FOCAD: variants seen among roughly 807,000 people sequenced by gnomAD.
FOCAD encodes KIAA1797.
A neutral mutation model predicts 225.6 loss-of-function variants in FOCAD; 198 were observed. The observed-to-expected ratio is 0.88, with a 90% confidence interval of 0.78 to 0.99. The LOEUF (loss-of-function observed/expected upper bound fraction) is 0.99. Among genes scored for constraint, FOCAD ranks in the 50% least tolerant of loss-of-function variants. The probability of loss-of-function intolerance (pLI) is 0.00; values close to 1 mark genes in which losing one functional copy is unlikely to be tolerated. For synonymous variants in FOCAD, 897 were observed against 755.0 expected (o/e 1.19, Z -3.08); for missense variants, 2,713 against 2,123.6 (o/e 1.28, Z -5.46).
intron 5 of FOCAD, among the ~76,000 whole-genome samples, chr9:20,756,425 C>G (rs1829058466): frequency 6.6e-6 from 1 of 152,104 alleles, no homozygotes; most frequent in Non-Finnish European, 1.5e-5. Flanking sequence ...AAAAATAGTA[C>G]ATTTCCCACC....
At chr9:20,733,873 C>G (rs1468681435) in intron 4 of FOCAD, among the ~76,000 whole-genome samples, 3 of 152,070 alleles carry the variant, frequency 2.0e-5, no homozygotes. Context: ...TGGTGATGCA[C>G]ACCTATAGCT....
At chr9:20,864,335 A>G (rs1829045613) in intron 16 of FOCAD, among the ~76,000 whole-genome samples, 1 of 152,074 alleles carries the variant, frequency 6.6e-6, no homozygotes, top group Admixed American at 6.6e-5. Flanking sequence ...GCATTCTGGA[A>G]TCTGGCCTCA....
At chr9:20,740,447 A>T (rs1425483790) in intron 5 of FOCAD, 107 bp downstream of exon 5, 6 of 617,360 alleles carry the variant, frequency 9.7e-6, no homozygotes, top group Non-Finnish European at 1.7e-5. Context: ...TCAGCAGGAT[A>T]TGCACACAGT....
At chr9:20,915,722 T>C (rs1472533329) in intron 23 of FOCAD, among the ~76,000 whole-genome samples, 1 of 152,124 alleles carries the variant, frequency 6.6e-6, no homozygotes, top group East Asian at 1.9e-4. Context: ...AGAGGGTAGA[T>C]ACTACAGTAT....
chr9:20,902,757 C>T (rs1250189250), intron 21 of FOCAD, among the ~76,000 whole-genome samples: 2 of 151,738 alleles, frequency 1.3e-5, no homozygotes, highest in African/African-American at 4.8e-5. Flanking sequence ...AATTGAGTCT[C>T]AAGGCAAGGG....
chr9:20,712,899 A>G (rs1172650175), intron 1 of FOCAD, among the ~76,000 whole-genome samples: 1 of 151,462 alleles, frequency 6.6e-6, no homozygotes, highest in Non-Finnish European at 1.5e-5. Flanking sequence ...CATCTGGCTA[A>G]TTTTTGTATT....
rs897351146 is a variant in FOCAD at position 20,765,093 on chromosome 9, C to T, written c.699+20C>T. On this transcript the variant is annotated intron_variant, in intron 7 of 43. Coordinates refer to ENST00000338382, the MANE Select transcript of FOCAD (RefSeq NM_001375567.1). ...TTGCAGGTAAGGTCTTTGTCCTCCT[C>T]CACAAATATAGGTCAGCATCAGTAA... 6.3e-7 allele frequency: 1 copy of T among 1,599,500 alleles called. No homozygotes were observed. Among genetic ancestry groups the T allele is most frequent in the Non-Finnish European group, 8.5e-7 (1 of 1,170,636 alleles).
intron 7 of FOCAD, among the ~76,000 whole-genome samples, chr9:20,766,393 C>T (rs567352832): frequency 6.6e-6 from 1 of 152,240 alleles, no homozygotes; most frequent in South Asian, 2.1e-4. Context: ...ATCCATTTAC[C>T]ACTCAATACA....
Position 20,789,398 on chromosome 9 carries a change from A to G in FOCAD, c.1245A>G (p.Ile415Met). The change falls in exon 11 of 44, where the codon ATA becomes ATG. Residue 415 changes from isoleucine to methionine, a missense_variant. By Grantham distance (10) the Ile-to-Met change is conservative (BLOSUM62 1). Transcript: ENST00000338382. ...CTGTAACCAGTATGTATGGTACAATATTTACAGCCTGGAGGATTCTTGAAG... is the reference window on the plus strand; with the variant it reads ...CTGTAACCAGTATGTATGGTACAATGTTTACAGCCTGGAGGATTCTTGAAG... Reference protein sequence around the residue: ...VCPVTSMYGTIFTAWRILEVM... With the variant: ...VCPVTSMYGTMFTAWRILEVM... 3 of 1,613,986 alleles carry G rather than the reference A, an allele frequency of 1.9e-6. No homozygotes were observed. Among genetic ancestry groups the G allele is most frequent in the Middle Eastern group, 1.7e-4 (1 of 6,060 alleles).
At position 20,990,205 on chromosome 9, in the gene FOCAD, G is replaced by A. The variant is rs769710150; in HGVS notation, c.5087G>A (p.Ser1696Asn). ...DHTAPLLLGL[S>N]ASWLPWHQEN... ...ACTGCCCCTCTCCTCCTCGGCCTCAGTGCCAGTTGGTTGCCATGGCATCAG... is the reference window on the plus strand; with the variant it reads ...ACTGCCCCTCTCCTCCTCGGCCTCAATGCCAGTTGGTTGCCATGGCATCAG... Residue 1696 changes from serine (S) to asparagine (N), a missense_variant, in exon 42 of 44, where the codon AGT (serine) becomes AAT (asparagine). Physicochemically the swap from Ser to Asn is conservative, Grantham distance 46. Transcript: ENST00000338382. 3 of 1,614,210 alleles carry A rather than the reference G, an allele frequency of 1.9e-6. No individual in the cohort carries two copies. In the South Asian group the frequency reaches 3.3e-5, roughly 18 times the overall value.
chr9:20,943,418 C>T (rs1836865900), intron 28 of FOCAD, among the ~76,000 whole-genome samples: 1 of 151,666 alleles, frequency 6.6e-6, no homozygotes, highest in Non-Finnish European at 1.5e-5. Context: ...CTGAGAGGGG[C>T]TTTGGGTTTG....
intron 1 of FOCAD, among the ~76,000 whole-genome samples, chr9:20,711,508 C>A (rs1330494746): frequency 6.6e-6 from 1 of 152,026 alleles, no homozygotes; most frequent in Non-Finnish European, 1.5e-5. Flanking sequence ...ATGGAGAGCC[C>A]CAAGACTAAG....
intron 4 of FOCAD, among the ~76,000 whole-genome samples, chr9:20,722,147 GT>G (rs1236168023): frequency 6.7e-6 from 1 of 150,190 alleles, no homozygotes; most frequent in Admixed American, 6.6e-5. Flanking sequence ...GGCTCAAGTA[GT>G]CCTCCCGCCT....
At chr9:20,726,072 T>C (rs1208293655) in intron 4 of FOCAD, among the ~76,000 whole-genome samples, 4 of 152,208 alleles carry the variant, frequency 2.6e-5, no homozygotes, top group Admixed American at 6.5e-5. Context: ...ATGTGAATTT[T>C]GAAATGAAAT....
chr9:20,917,765 C>G (rs1271628359), intron 24 of FOCAD, among the ~76,000 whole-genome samples: 1 of 152,130 alleles, frequency 6.6e-6, no homozygotes, highest in Non-Finnish European at 1.5e-5. Context: ...TGTCACAAAA[C>G]CTTCTGTAGC....
intron 1 of FOCAD, among the ~76,000 whole-genome samples, chr9:20,700,908 T>G (rs1823888199): frequency 6.6e-6 from 1 of 152,226 alleles, no homozygotes; most frequent in Admixed American, 6.5e-5. Context: ...AAGAAGCTGC[T>G]TCTCTTAAGA....
intron 21 of FOCAD, among the ~76,000 whole-genome samples, chr9:20,906,500 G>A (rs188179603): frequency 6.7e-4 from 102 of 152,148 alleles, no homozygotes; most frequent in African/African-American, 2.4e-3. Context: ...GTACTAATAG[G>A]TAGAAACAGA....
intron 35 of FOCAD, among the ~76,000 whole-genome samples, chr9:20,973,182 CCTT>C (rs1839915899): frequency 6.8e-6 from 1 of 147,676 alleles, no homozygotes; most frequent in Non-Finnish European, 1.5e-5. Flanking sequence ...AGCTATTTAA[CCTT>C]CTGCTGACTT....
At chr9:20,951,490 T>A (rs1382802014) in intron 34 of FOCAD, among the ~76,000 whole-genome samples, 1 of 152,220 alleles carries the variant, frequency 6.6e-6, no homozygotes, top group African/African-American at 2.4e-5. Flanking sequence ...AACCAGGTCC[T>A]TAAAGCTTGG....
Sources: allele counts gnomAD v4.1 joint callset (sites outside exome capture counted in the v4.1 genomes callset), GRCh38; gene constraint gnomAD v4.1.1; transcripts MANE v1.5; gene names NCBI Gene and HGNC (gene_info 2026-07-23, HGNC 2026-07-21).